The following WWOX variants were observed in gnomAD, a reference collection of about 807,000 sequenced individuals.
The protein encoded by WWOX is WW domain containing oxidoreductase.
In WWOX, 69 loss-of-function variants were observed where a neutral mutation model predicts 46.2. The observed-to-expected ratio is 1.49, with a 90% CI of 1.23 to 1.82. WWOX has a LOEUF of 1.82. Among genes scored for constraint, WWOX ranks in the 40% most tolerant of loss-of-function variants. The pLI, the probability that WWOX is intolerant of heterozygous loss-of-function variation, is 0.00. For missense variants in WWOX, 919 were observed against 542.6 expected, an observed-to-expected ratio of 1.69 and a Z score of -6.89; for synonymous variants, 359 against 202.6, an observed-to-expected ratio of 1.77 and a Z score of -6.56.
rs565724271 is a variant in WWOX, at chr16:78,693,540, AC to A, written c.1056+260790del. ...TATGTTTGTTTAAAATATACACAGA[AC>A]CAAATAGTCATAGAGTAGTATTTCA... On this transcript the variant is annotated intron_variant, in intron 8 of 8. Transcript: ENST00000566780. Among the ~76,000 whole-genome samples the A allele has an allele frequency of 2.8e-3, 425 of 152,312 alleles. 3 individuals are homozygous for A. The highest frequency in any genetic ancestry group is 0.018 in the South Asian group (86 of 4,814).
rs552459256 is a variant in WWOX, at chr16:78,252,605, C to G, written c.516+88316C>G. On this transcript the variant is annotated intron_variant, in intron 5 of 8. Coordinates refer to ENST00000566780, the MANE Select transcript of WWOX (RefSeq NM_016373.4). The stretch of plus-strand genomic sequence containing the variant: ...GTGTTGACAATGGCCTTTATTTTTC[C>G]TTCTACTTAAGGGCTCTCACGTTCT... 3.9e-5 allele frequency among the ~76,000 whole-genome samples: 6 copies of G among 152,200 alleles called. No homozygotes were observed. In the South Asian group the frequency reaches 1.2e-3, roughly 32 times the overall value.
chr16:78,485,989 A>C (rs1197658724), intron 8 of WWOX, among the ~76,000 whole-genome samples: 3 of 152,230 alleles, frequency 2.0e-5, no homozygotes, highest in Non-Finnish European at 2.9e-5. Context: ...CTAGGAGTCC[A>C]TGTAGTTGCT....
chr16:79,079,094 CTTG>C (rs1232844110), intron 8 of WWOX, among the ~76,000 whole-genome samples: 3 of 152,194 alleles, frequency 2.0e-5, no homozygotes, highest in Non-Finnish European at 2.9e-5. Context: ...AAAATGACTT[CTTG>C]TTCATGTAAC....
At chr16:78,402,495 A>G (rs1339450463) in intron 6 of WWOX, among the ~76,000 whole-genome samples, 1 of 152,106 alleles carries the variant, frequency 6.6e-6, no homozygotes, top group East Asian at 1.9e-4. Flanking sequence ...TGCAGTAAAC[A>G]TGTTGGAAAG....
At chr16:78,641,399 T>G (rs2046707430) in intron 8 of WWOX, among the ~76,000 whole-genome samples, 1 of 152,144 alleles carries the variant, frequency 6.6e-6, no homozygotes, top group South Asian at 2.1e-4. Context: ...GTCAGGGTTA[T>G]CAATATCCGT....
rs553925584 is a variant in WWOX at position 78,617,623 on chromosome 16, A to G, written c.1056+184871A>G. 5.3e-5 allele frequency among the ~76,000 whole-genome samples: 8 copies of G among 152,196 alleles called. 1 individual carries two copies. In the East Asian group the frequency reaches 7.8e-4, roughly 15 times the overall value. ...GATGATCCCTGAGGTGTATCCCCCAATCCCAAACTAGAAGTGAGTCCCCCT... is the reference window on the plus strand; with the variant it reads ...GATGATCCCTGAGGTGTATCCCCCAGTCCCAAACTAGAAGTGAGTCCCCCT... On this transcript the variant is annotated intron_variant, in intron 8 of 8. Coordinates refer to ENST00000566780, the MANE Select transcript of WWOX (RefSeq NM_016373.4).
chr16:78,138,224 G>C (rs750294353), intron 4 of WWOX, among the ~76,000 whole-genome samples: 1 of 150,906 alleles, frequency 6.6e-6, no homozygotes, highest in Non-Finnish European at 1.5e-5. Flanking sequence ...TGACAGCACA[G>C]TCTGCTGTTT....
chr16:79,119,525 G>A (rs1439967607), intron 8 of WWOX, among the ~76,000 whole-genome samples: 2 of 152,272 alleles, frequency 1.3e-5, no homozygotes, highest in East Asian at 1.9e-4. Context: ...AATGAGTGAC[G>A]TTCATATGAT....
intron 8 of WWOX, among the ~76,000 whole-genome samples, chr16:78,935,793 C>A (rs1031714928): frequency 6.6e-6 from 1 of 151,760 alleles, no homozygotes; most frequent in South Asian, 2.1e-4. Context: ...CCTGCCTGTA[C>A]CCCAGCTACT....
At chr16:78,985,423 T>C (rs780921783) in intron 8 of WWOX, among the ~76,000 whole-genome samples, 1 of 151,794 alleles carries the variant, frequency 6.6e-6, no homozygotes, top group Non-Finnish European at 1.5e-5. Context: ...TCACTTCACA[T>C]CTCTGGCTAG....
intron 8 of WWOX, among the ~76,000 whole-genome samples, chr16:79,048,643 A>C (rs879424236): frequency 6.6e-6 from 1 of 152,008 alleles, no homozygotes; most frequent in Admixed American, 6.5e-5. Context: ...TGATAATTAT[A>C]CTCTAAAGCA....
At chr16:78,239,229 C>A (rs972424054) in intron 5 of WWOX, among the ~76,000 whole-genome samples, 1 of 152,200 alleles carries the variant, frequency 6.6e-6, no homozygotes, top group Admixed American at 6.5e-5. Flanking sequence ...GTAATGTGGA[C>A]TGTGGCATCC....
At chr16:78,582,022 G>T (rs2045068770) in intron 8 of WWOX, among the ~76,000 whole-genome samples, 3 of 152,154 alleles carry the variant, frequency 2.0e-5, no homozygotes, top group Admixed American at 2.0e-4. Flanking sequence ...TTCGTTTGTA[G>T]ACAAGGCAAA....
At chr16:78,859,010 A>G in intron 8 of WWOX, among the ~76,000 whole-genome samples, 1 of 43,254 alleles carries the variant, frequency 2.3e-5, no homozygotes, top group Non-Finnish European at 4.8e-5. Context: ...TTAAAAAAAA[A>G]AAAAAAAAAA....
chr16:78,731,736 C>T (rs1346266894), intron 8 of WWOX, among the ~76,000 whole-genome samples: 1 of 151,914 alleles, frequency 6.6e-6, no homozygotes, highest in African/African-American at 2.4e-5. Context: ...GGCCAGGGTG[C>T]AGACTGGGCA....
chr16:79,151,952 C>G (rs554151867), intron 8 of WWOX, among the ~76,000 whole-genome samples: 1 of 152,162 alleles, frequency 6.6e-6, no homozygotes, highest in African/African-American at 2.4e-5. Flanking sequence ...TATCTGGGCT[C>G]TGAGTCTTTA....
At chr16:78,118,304 A>T (rs1316737999) in intron 4 of WWOX, among the ~76,000 whole-genome samples, 2 of 151,976 alleles carry the variant, frequency 1.3e-5, no homozygotes, top group Non-Finnish European at 2.9e-5. Context: ...TAATTCATCT[A>T]AAAAAAATCA....
intron 8 of WWOX, among the ~76,000 whole-genome samples, chr16:78,613,080 C>G (rs114787786): frequency 6.6e-6 from 1 of 152,140 alleles, no homozygotes; most frequent in African/African-American, 2.4e-5. Flanking sequence ...GCTTTAGTAA[C>G]TCATGGTTTC....
At chr16:78,613,012 C>G (rs1006688358) in intron 8 of WWOX, among the ~76,000 whole-genome samples, 1 of 152,156 alleles carries the variant, frequency 6.6e-6, no homozygotes, top group Non-Finnish European at 1.5e-5. Flanking sequence ...TCTCAGAACA[C>G]CACTCAGTAC....
Sources: gnomAD v4.1 joint callset for allele counts (sites outside exome capture counted in the v4.1 genomes callset) on GRCh38, gnomAD v4.1.1 for gene constraint, MANE v1.5 for transcripts, NCBI Gene and HGNC (gene_info 2026-07-23, HGNC 2026-07-21) for gene names.